ZNF567: variants seen among roughly 807,000 people sequenced by gnomAD.
The protein encoded by ZNF567 is zinc finger protein 567.
A neutral mutation model predicts 53.9 loss-of-function variants in ZNF567; 36 were observed. The ratio of observed to expected loss-of-function variants is 0.67; its 90% confidence interval spans 0.51 to 0.88. The LOEUF (loss-of-function observed/expected upper bound fraction) is 0.88. Ranked by LOEUF, ZNF567 falls within the 40% of genes least tolerant of loss-of-function variation. The probability of loss-of-function intolerance (pLI) is 0.00; values close to 1 mark genes in which losing one functional copy is unlikely to be tolerated. For missense variants in ZNF567, 619 were observed against 764.7 expected (o/e 0.81, Z 2.25); for synonymous variants, 224 against 260.4 (o/e 0.86, Z 1.35).
intron 3 of ZNF567, among the ~76,000 whole-genome samples, chr19:36,705,195 C>A (rs2039429194): frequency 6.6e-6 from 1 of 152,044 alleles, no homozygotes; most frequent in African/African-American, 2.4e-5. Context: ...TACCTCATTT[C>A]TCCTCTTTTA....
the ZNF567 span, among the ~76,000 whole-genome samples, chr19:36,675,222 C>T: frequency 6.6e-6 from 1 of 152,156 alleles, no homozygotes; most frequent in Admixed American, 6.5e-5. Context: ...ATCAGTATCA[C>T]AGCCTATTAA....
the ZNF567 span, among the ~76,000 whole-genome samples, chr19:36,674,745 A>C: frequency 6.6e-6 from 1 of 152,082 alleles, no homozygotes; most frequent in Non-Finnish European, 1.5e-5. Flanking sequence ...CTGTAAATCT[A>C]AAGACTTCTT....
chr19:36,706,665 G>GT (rs2039503244), intron 3 of ZNF567, among the ~76,000 whole-genome samples: 1 of 117,622 alleles, frequency 8.5e-6, no homozygotes, highest in African/African-American at 3.1e-5. Flanking sequence ...CCTTTTTACT[G>GT]TTGGTTTTTT....
intron 2 of ZNF567, among the ~76,000 whole-genome samples, chr19:36,690,793 AT>A (rs1207202691): frequency 6.6e-6 from 1 of 152,136 alleles, no homozygotes; most frequent in African/African-American, 2.4e-5. Context: ...AGATGGATGA[AT>A]TTTATGGTGT....
chr19:36,719,319 C>G lies in ZNF567; in HGVS notation c.595C>G (p.Gln199Glu). Residue 199 changes from glutamine to glutamate, a missense_variant, in exon 6 of 6, where the codon CAG (glutamine) becomes GAG (glutamate). Physicochemically the swap from Gln to Glu is conservative, Grantham distance 29. Transcript: ENST00000682579. The stretch of plus-strand genomic sequence containing the variant: ...TTTCAGTCATAATGAAGTTCTTATG[C>G]AGTATCAGAAAACGGAAACTCCAGC... ...RAFSHNEVLM[Q>E]YQKTETPAQS... 6.2e-7 allele frequency: 1 copy of G among 1,612,802 alleles called. No homozygotes were observed. The highest frequency in any genetic ancestry group is 8.5e-7 in the Non-Finnish European group (1 of 1,179,736).
At chr19:36,690,480 C>T (rs1340247456) in intron 2 of ZNF567, among the ~76,000 whole-genome samples, 2 of 152,028 alleles carry the variant, frequency 1.3e-5, no homozygotes, top group African/African-American at 4.8e-5. Flanking sequence ...TGGCTAGCTA[C>T]TCAGGAGACT....
chr19:36,708,115 C>T (rs1276010489), intron 3 of ZNF567, among the ~76,000 whole-genome samples: 7 of 151,820 alleles, frequency 4.6e-5, no homozygotes, highest in Admixed American at 3.3e-4. Flanking sequence ...AGGCTGGTCT[C>T]CTGGGCTCAA....
the ZNF567 span, among the ~76,000 whole-genome samples, chr19:36,676,362 A>C: frequency 8.9e-5 from 12 of 135,040 alleles, no homozygotes; most frequent in South Asian, 9.8e-4. Flanking sequence ...CACTGCACCC[A>C]ACCAACTTTT....
chr19:36,684,749 T>C (rs1188963461), upstream of ZNF567, among the ~76,000 whole-genome samples: 2 of 152,176 alleles, frequency 1.3e-5, no homozygotes, highest in African/African-American at 4.8e-5. Flanking sequence ...GATGTGGCTA[T>C]GGAGAATTGA....
upstream of ZNF567, among the ~76,000 whole-genome samples, chr19:36,682,985 G>C (rs111520778): frequency 6.6e-6 from 1 of 151,938 alleles, no homozygotes; most frequent in East Asian, 1.9e-4. Context: ...GTGTGTGTGT[G>C]TCTGTGTGTG....
chr19:36,693,803 A>AG (rs2038740955), intron 2 of ZNF567, among the ~76,000 whole-genome samples: 1 of 152,244 alleles, frequency 6.6e-6, no homozygotes, highest in East Asian at 1.9e-4. Flanking sequence ...ATTGAAGGAA[A>AG]TACAGATTCT....
downstream of ZNF567, among the ~76,000 whole-genome samples, chr19:36,724,193 A>G (rs2040325189): frequency 6.6e-6 from 1 of 151,004 alleles, no homozygotes; most frequent in African/African-American, 2.4e-5. Flanking sequence ...TTTAGTAGAG[A>G]TAGGGTTTCT....
At chr19:36,702,309 G>A (rs180917536) in intron 3 of ZNF567, among the ~76,000 whole-genome samples, 327 of 152,058 alleles carry the variant, frequency 2.2e-3, no homozygotes, top group Non-Finnish European at 4.0e-3. Flanking sequence ...TAGTCTGATG[G>A]GCTTCCCTTT....
intron 1 of ZNF567, among the ~76,000 whole-genome samples, chr19:36,687,837 C>G (rs992578611): frequency 1.3e-5 from 2 of 152,184 alleles, no homozygotes; most frequent in African/African-American, 4.8e-5. Flanking sequence ...AGCGCGGGCC[C>G]GGGAGCACCT....
At position 36,720,419 on chromosome 19, in the gene ZNF567, G is replaced by A. The variant is rs1355465875; in HGVS notation, c.1695G>A (p.Gln565=). Residue 565 remains glutamine, a synonymous_variant, in exon 6 of 6, where the codon CAG becomes CAA. Transcript: ENST00000682579. ...HTGQKSYECP[Q]CGKAFSRKSY... ...GCCAGAAATCCTATGAATGTCCTCA[G>A]TGTGGGAAAGCCTTTAGCAGGAAGT... The A allele has an allele frequency of 6.2e-7, 1 of 1,614,032 alleles. No individual in the cohort carries two copies. Among genetic ancestry groups the A allele is most frequent in the Non-Finnish European group, 8.5e-7 (1 of 1,180,006 alleles).
chr19:36,720,839 T>C lies in ZNF567; in HGVS notation c.*171T>C. ...TTACTAGCATATAAAATAAGTATGA[T>C]CATTATTATTGAACTCTATCAGCTA... On this transcript the variant is annotated 3_prime_UTR_variant, in exon 6 of 6. Transcript: ENST00000682579. The C allele has an allele frequency of 1.9e-6, 1 of 535,542 alleles. No homozygotes were observed. The allele number at this position is 535,542 out of a possible 1,614,324, so 33.2% of individuals were successfully genotyped here.
chr19:36,686,508 G>C (rs2038275809), upstream of ZNF567: 2 of 133,516 alleles, frequency 1.5e-5, no homozygotes, highest in Admixed American at 7.8e-5. Context: ...TGATATCCAG[G>C]ACTGGGGACT....
At chr19:36,703,687 C>T in intron 3 of ZNF567, 1 of 164,284 alleles carries the variant, frequency 6.1e-6, no homozygotes, top group Non-Finnish European at 1.3e-5. Flanking sequence ...TCTCAGACTG[C>T]TGTGCTAGCA....
At chr19:36,704,928 T>C (rs559536281) in intron 3 of ZNF567, among the ~76,000 whole-genome samples, 1 of 152,360 alleles carries the variant, frequency 6.6e-6, no homozygotes, top group African/African-American at 2.4e-5. Flanking sequence ...TTCAATGAGC[T>C]TTTGTAGTTT....
Sources: gnomAD v4.1 joint callset for allele counts (sites outside exome capture counted in the v4.1 genomes callset) on GRCh38, gnomAD v4.1.1 for gene constraint, MANE v1.5 for transcripts, NCBI Gene and HGNC (gene_info 2026-07-23, HGNC 2026-07-21) for gene names.